Variants in DNAJC1 observed in about 807,000 individuals in gnomAD.
DNAJC1 encodes the protein dnaJ homolog subfamily C member 1.
In DNAJC1, 58 loss-of-function variants were observed where a neutral mutation model predicts 76.6. That is an observed-to-expected ratio of 0.76 (90% confidence interval 0.61 to 0.94). The LOEUF (loss-of-function observed/expected upper bound fraction) is 0.94. DNAJC1 is among the 40% of genes least tolerant of loss of function. DNAJC1 has a pLI of 0.00. For missense variants in DNAJC1, 689 were observed against 677.3 expected, an observed-to-expected ratio of 1.02 and a Z score of -0.19; for synonymous variants, 258 against 267.9, an observed-to-expected ratio of 0.96 and a Z score of 0.36.
At chr10:21,816,105 C>T (rs1039441715) in intron 8 of DNAJC1, among the ~76,000 whole-genome samples, 5 of 151,472 alleles carry the variant, frequency 3.3e-5, no homozygotes, top group Non-Finnish European at 5.9e-5. Flanking sequence ...CCTAGATGGG[C>T]ACCTGTAATC....
At chr10:21,958,849 A>G (rs1487496571) in intron 1 of DNAJC1, among the ~76,000 whole-genome samples, 1 of 152,110 alleles carries the variant, frequency 6.6e-6, no homozygotes, top group Non-Finnish European at 1.5e-5. Context: ...TTTGCTGTTG[A>G]ACTTCTTTCT....
At chr10:21,899,496 T>C (rs1358927444) in intron 7 of DNAJC1, among the ~76,000 whole-genome samples, 5 of 152,212 alleles carry the variant, frequency 3.3e-5, no homozygotes, top group Non-Finnish European at 5.9e-5. Flanking sequence ...GACTTGGCCA[T>C]TCCAACCTGC....
At chr10:21,968,973 G>C (rs911775881) in intron 1 of DNAJC1, among the ~76,000 whole-genome samples, 1 of 152,090 alleles carries the variant, frequency 6.6e-6, no homozygotes, top group African/African-American at 2.4e-5. Context: ...TGTAATCCCA[G>C]CACTTTGGGC....
intron 8 of DNAJC1, among the ~76,000 whole-genome samples, chr10:21,867,262 G>A (rs1221495612): frequency 6.6e-6 from 1 of 152,072 alleles, no homozygotes; most frequent in Non-Finnish European, 1.5e-5. Context: ...AAAGGAGACA[G>A]CGAGCGAATA....
chr10:21,880,767 A>G (rs181250516), intron 8 of DNAJC1, among the ~76,000 whole-genome samples: 2 of 152,288 alleles, frequency 1.3e-5, no homozygotes, highest in East Asian at 3.9e-4. Flanking sequence ...GGATTTTCAG[A>G]ATGATAAATG....
chr10:21,955,482 C>A (rs1242552159), intron 1 of DNAJC1, among the ~76,000 whole-genome samples: 1 of 151,980 alleles, frequency 6.6e-6, no homozygotes, highest in East Asian at 1.9e-4. Flanking sequence ...GAAAATATCA[C>A]CTTTTACTTT....
Position 21,759,293 on chromosome 10 carries a change from C to T in DNAJC1, c.1473G>A (p.Arg491=), listed in dbSNP as rs748624070. Residue 491 remains arginine (R), a synonymous_variant, in exon 11 of 12, where the codon CGG becomes CGA. Transcript: ENST00000376980. The part of the protein sequence containing the change: ...DEESLRKERA[R]SAEEPWTQNQ... Reference sequence around the variant, plus strand: ...TTTGAGTCCACGGCTCCTCTGCAGACCGAGCTCTCTCTTTTCTCAGGCTCT... The same window carrying T: ...TTTGAGTCCACGGCTCCTCTGCAGATCGAGCTCTCTCTTTTCTCAGGCTCT... 6.2e-7 allele frequency: 1 copy of T among 1,614,126 alleles called. No homozygotes were observed. Among genetic ancestry groups the T allele is most frequent in the African/African-American group, 1.3e-5 (1 of 74,942 alleles).
chr10:21,982,753 A>G (rs1838177359), intron 1 of DNAJC1, among the ~76,000 whole-genome samples: 2 of 152,076 alleles, frequency 1.3e-5, no homozygotes, highest in African/African-American at 4.8e-5. Context: ...AGTACTGACG[A>G]GGATGTGGAG....
intron 7 of DNAJC1, among the ~76,000 whole-genome samples, chr10:21,887,666 G>C (rs1183667490): frequency 6.6e-6 from 1 of 152,134 alleles, no homozygotes; most frequent in African/African-American, 2.4e-5. Context: ...AGTGGTGCTG[G>C]AATAACTGGC....
In DNAJC1 at chr10:21,772,182, T is replaced by A. The variant is rs571438730; in HGVS notation, c.1099-5873A>T. Reference sequence around the variant, plus strand: ...TTTTTCATCCATATTTATAAAAACATTGGTCTGTAGTTTTCTTGTGATGTC... The same window carrying A: ...TTTTTCATCCATATTTATAAAAACAATGGTCTGTAGTTTTCTTGTGATGTC... On this transcript the variant is annotated intron_variant, in intron 9 of 11. Coordinates refer to ENST00000376980, the MANE Select transcript of DNAJC1 (RefSeq NM_022365.4). 3.9e-5 allele frequency among the ~76,000 whole-genome samples: 6 copies of A among 152,224 alleles called. No individual in the cohort carries two copies. In the East Asian group the frequency reaches 1.2e-3, roughly 29 times the overall value.
At chr10:21,892,899 G>C (rs750137144) in intron 7 of DNAJC1, among the ~76,000 whole-genome samples, 1 of 151,710 alleles carries the variant, frequency 6.6e-6, no homozygotes, top group Non-Finnish European at 1.5e-5. Context: ...AAAAACTGAC[G>C]GAACTGGAGA....
chr10:21,760,086 A>G (rs1834223589), intron 10 of DNAJC1, among the ~76,000 whole-genome samples: 1 of 152,212 alleles, frequency 6.6e-6, no homozygotes, highest in Non-Finnish European at 1.5e-5. Context: ...TAGTAGCTAC[A>G]GTAAGAATTT....
At chr10:21,780,481 T>A (rs919701175) in intron 9 of DNAJC1, among the ~76,000 whole-genome samples, 26 of 152,214 alleles carry the variant, frequency 1.7e-4, no homozygotes, top group Non-Finnish European at 3.5e-4. Flanking sequence ...CAGAATTTCA[T>A]AGCCAGCCAA....
intron 8 of DNAJC1, among the ~76,000 whole-genome samples, chr10:21,844,693 T>C (rs1835626487): frequency 6.6e-6 from 1 of 152,120 alleles, no homozygotes; most frequent in Non-Finnish European, 1.5e-5. Flanking sequence ...TTAGAATAGG[T>C]ATTAAAGATA....
At chr10:21,899,214 G>A (rs1033010304) in intron 7 of DNAJC1, among the ~76,000 whole-genome samples, 1 of 152,224 alleles carries the variant, frequency 6.6e-6, no homozygotes, top group African/African-American at 2.4e-5. Flanking sequence ...TCTTGGCAGA[G>A]CAGCCACTGA....
At chr10:21,813,022 CACAT>C (rs1391229456) in intron 8 of DNAJC1, among the ~76,000 whole-genome samples, 2 of 84,710 alleles carry the variant, frequency 2.4e-5, no homozygotes, top group Non-Finnish European at 4.7e-5. Context: ...CATATACACA[CACAT>C]ACACACACAC....
At chr10:21,791,796 C>T (rs1184606148) in intron 9 of DNAJC1, among the ~76,000 whole-genome samples, 1 of 151,918 alleles carries the variant, frequency 6.6e-6, no homozygotes, top group East Asian at 1.9e-4. Context: ...AAATAAATAA[C>T]CTAATGATGC....
chr10:21,841,663 A>G (rs1835576781), intron 8 of DNAJC1, among the ~76,000 whole-genome samples: 2 of 152,182 alleles, frequency 1.3e-5, no homozygotes, highest in Admixed American at 1.3e-4. Flanking sequence ...TGGGACTGTA[A>G]ACTAGTTCAA....
At chr10:21,917,089 CAAGT>C (rs986810361) in intron 6 of DNAJC1, among the ~76,000 whole-genome samples, 1 of 151,874 alleles carries the variant, frequency 6.6e-6, no homozygotes, top group Non-Finnish European at 1.5e-5. Flanking sequence ...CAGATACCAT[CAAGT>C]AAGTAAAAAC....
Sources: allele counts gnomAD v4.1 joint callset (sites outside exome capture counted in the v4.1 genomes callset), GRCh38; gene constraint gnomAD v4.1.1; transcripts MANE v1.5; gene names NCBI Gene and HGNC (gene_info 2026-07-23, HGNC 2026-07-21).